The following RANBP2 variants were observed in gnomAD, a reference collection of about 807,000 sequenced individuals.
RANBP2 encodes the protein RAN binding protein 2, also known as E3 SUMO-protein ligase RanBP2.
In RANBP2, 57 loss-of-function variants were observed where a neutral mutation model predicts 303.6. The ratio of observed to expected loss-of-function variants is 0.19; its 90% CI spans 0.15 to 0.23. The LOEUF is 0.23. Ranked by LOEUF, RANBP2 falls within the 10% of genes least tolerant of loss-of-function variation. The pLI, the probability that RANBP2 is intolerant of heterozygous loss-of-function variation, is 1.00. For synonymous variants in RANBP2, 1,167 were observed against 1,301.5 expected (o/e 0.90, Z 2.23); for missense variants, 3,138 against 3,780.8 (o/e 0.83, Z 4.46).
the RANBP2 span, among the ~76,000 whole-genome samples, chr2:109,451,034 A>G: frequency 6.6e-6 from 1 of 152,336 alleles, no homozygotes; most frequent in South Asian, 2.1e-4. Flanking sequence ...CCCTGTCCTC[A>G]ACATGAGCCG....
At chr2:109,423,556 G>A in the RANBP2 span, among the ~76,000 whole-genome samples, 3 of 152,284 alleles carry the variant, frequency 2.0e-5, no homozygotes, top group Middle Eastern at 3.4e-3. Context: ...CACTCAGCCT[G>A]CAATGAACTG....
the RANBP2 span, among the ~76,000 whole-genome samples, chr2:108,857,267 CG>C: frequency 6.6e-6 from 1 of 151,728 alleles, no homozygotes; most frequent in African/African-American, 2.4e-5. Flanking sequence ...TTGGTAGAGA[CG>C]GGGTTTCACC....
chr2:109,108,220 T>C, the RANBP2 span, among the ~76,000 whole-genome samples: 1 of 152,202 alleles, frequency 6.6e-6, no homozygotes, highest in South Asian at 2.1e-4. Context: ...TTTGTGTTTT[T>C]AGTAGAGACG....
the RANBP2 span, among the ~76,000 whole-genome samples, chr2:109,719,348 C>T: frequency 6.6e-6 from 1 of 151,044 alleles, no homozygotes; most frequent in East Asian, 2.0e-4. Flanking sequence ...GATCCTCCCA[C>T]CTTGGCCTCC....
the RANBP2 span, among the ~76,000 whole-genome samples, chr2:109,412,261 C>T: frequency 3.7e-4 from 56 of 152,388 alleles, 1 homozygote; most frequent in African/African-American, 1.3e-3. Flanking sequence ...TGGCCAAACA[C>T]ATTGCCCCCC....
At chr2:109,243,238 G>A in the RANBP2 span, among the ~76,000 whole-genome samples, 1 of 152,196 alleles carries the variant, frequency 6.6e-6, no homozygotes, top group South Asian at 2.1e-4. Context: ...TCAGTAGAGG[G>A]ACCCATCAGC....
chr2:108,979,376 C>G, the RANBP2 span, among the ~76,000 whole-genome samples: 5 of 152,238 alleles, frequency 3.3e-5, no homozygotes, highest in South Asian at 6.2e-4. Context: ...CCTGCCCCAC[C>G]ACTTCCCCCA....
At chr2:108,746,134 C>G (rs565143000) in intron 7 of RANBP2, among the ~76,000 whole-genome samples, 14 of 150,414 alleles carry the variant, frequency 9.3e-5, no homozygotes, top group African/African-American at 3.2e-4. Context: ...TTCTTGAACT[C>G]TGGGCTCAAG....
chr2:108,763,611 C>T lies in RANBP2; in HGVS notation c.3072C>T (p.His1024=), dbSNP rs1251106925. 6.2e-7 allele frequency: 1 copy of T among 1,614,130 alleles called. No homozygotes were observed. The highest frequency in any genetic ancestry group is 2.2e-5 in the East Asian group (1 of 44,882). Residue 1024 remains histidine, a synonymous_variant, in exon 20 of 29, where the codon CAC becomes CAT. Transcript: ENST00000283195. The part of the protein sequence containing the change: ...GLRPSLPTQA[H]TTQPTPFKFN... ...GGCCATCTTTGCCAACACAAGCACA[C>T]ACAACACAGCCAACTCCTTTTAAAT...
At chr2:109,676,926 G>C in the RANBP2 span, among the ~76,000 whole-genome samples, 1 of 152,112 alleles carries the variant, frequency 6.6e-6, no homozygotes, top group Non-Finnish European at 1.5e-5. Flanking sequence ...AAGCCATCCT[G>C]GTGTGAGATT....
At chr2:109,582,075 GAC>G in the RANBP2 span, among the ~76,000 whole-genome samples, 8,162 of 143,786 alleles carry the variant, frequency 0.057, 443 homozygotes, top group African/African-American at 0.15. Context: ...ATGTACAACA[GAC>G]ACACACACAC....
chr2:108,802,799 G>A, the RANBP2 span, among the ~76,000 whole-genome samples: 25 of 151,816 alleles, frequency 1.6e-4, no homozygotes, highest in Non-Finnish European at 2.8e-4. Flanking sequence ...TTTGAAATAC[G>A]TCCCATCAAT....
At chr2:108,845,820 C>T in the RANBP2 span, among the ~76,000 whole-genome samples, 14 of 152,144 alleles carry the variant, frequency 9.2e-5, no homozygotes, top group Admixed American at 7.2e-4. Flanking sequence ...ATCTGCCTGC[C>T]TCGGCGTCCC....
chr2:109,326,208 C>T, the RANBP2 span, among the ~76,000 whole-genome samples: 1 of 152,212 alleles, frequency 6.6e-6, no homozygotes, highest in Non-Finnish European at 1.5e-5. Context: ...TTTTCTGTAA[C>T]TTGCTTCTTC....
the RANBP2 span, among the ~76,000 whole-genome samples, chr2:109,263,837 G>A: frequency 2.6e-4 from 40 of 152,298 alleles, no homozygotes; most frequent in African/African-American, 9.1e-4. Context: ...GCATGGTGGC[G>A]GGAGCCTGTA....
the RANBP2 span, among the ~76,000 whole-genome samples, chr2:109,580,491 A>G: frequency 2.0e-5 from 3 of 152,180 alleles, no homozygotes; most frequent in African/African-American, 7.2e-5. Context: ...ACCACAACAA[A>G]GCAAGCATGG....
chr2:109,664,401 C>G, the RANBP2 span, among the ~76,000 whole-genome samples: 3 of 147,532 alleles, frequency 2.0e-5, no homozygotes, highest in Non-Finnish European at 3.0e-5. Flanking sequence ...GTCAGGAGTG[C>G]GAGACCAGCC....
chr2:109,641,275 A>T, the RANBP2 span, among the ~76,000 whole-genome samples: 2,610 of 152,224 alleles, frequency 0.017, 88 homozygotes, highest in African/African-American at 0.058. Context: ...AGTAGCTGGG[A>T]TTACAGGAAT....
the RANBP2 span, chr2:109,613,979 C>G: frequency 8.3e-7 from 1 of 1,199,122 alleles, no homozygotes; most frequent in Non-Finnish European, 1.0e-6. Flanking sequence ...AGGGGCGGGG[C>G]CGAGCTGGAG....
Sources: allele counts gnomAD v4.1 joint callset (sites outside exome capture counted in the v4.1 genomes callset), GRCh38; gene constraint gnomAD v4.1.1; transcripts MANE v1.5; gene names NCBI Gene and HGNC (gene_info 2026-07-23, HGNC 2026-07-21).